Variants in ROR2 observed in about 807,000 individuals in gnomAD.
ROR2 encodes ROR family WNT receptor 2, also known as tyrosine-protein kinase transmembrane receptor ROR2.
A neutral mutation model predicts 74.9 loss-of-function variants in ROR2; 33 were observed. That is an observed-to-expected ratio of 0.44 (90% CI 0.33 to 0.59). The LOEUF is 0.59. Among genes scored for constraint, ROR2 ranks in the 20% least tolerant of loss-of-function variants. ROR2 has a pLI of 0.02. For synonymous variants in ROR2, 586 were observed against 558.7 expected (o/e 1.05, Z -0.69); for missense variants, 1,216 against 1,313.8 (o/e 0.93, Z 1.15).
intron 1 of ROR2, among the ~76,000 whole-genome samples, chr9:91,937,029 C>CAAAAAAAAAAAAAAAAAA (rs540672189): frequency 5.3e-4 from 35 of 65,634 alleles, no homozygotes; most frequent in South Asian, 6.7e-4. Flanking sequence ...GACTCCGTCT[C>CAAAAAAAAAAAAAAAAAA]AAAAAAAAAA....
At chr9:91,879,103 T>C (rs1411161320) in intron 1 of ROR2, among the ~76,000 whole-genome samples, 2 of 151,290 alleles carry the variant, frequency 1.3e-5, no homozygotes, top group Non-Finnish European at 2.9e-5. Context: ...CCAAACAACA[T>C]TGTTCCCAAA....
intron 1 of ROR2, among the ~76,000 whole-genome samples, chr9:91,804,531 G>A (rs1381620958): frequency 1.3e-5 from 2 of 152,232 alleles, no homozygotes; most frequent in Non-Finnish European, 2.9e-5. Context: ...CTCATCTCCT[G>A]AGGAGAGAGA....
At chr9:91,838,409 C>T (rs1281866257) in intron 1 of ROR2, among the ~76,000 whole-genome samples, 1 of 152,204 alleles carries the variant, frequency 6.6e-6, no homozygotes, top group Non-Finnish European at 1.5e-5. Flanking sequence ...CCCCTCCCCT[C>T]CTGGCACCTG....
intron 1 of ROR2, among the ~76,000 whole-genome samples, chr9:91,814,558 C>T (rs1827866431): frequency 6.6e-6 from 1 of 152,178 alleles, no homozygotes; most frequent in South Asian, 2.1e-4. Context: ...TAAGCGATAC[C>T]ATTAAAGCAG....
In ROR2 at chr9:91,737,417, T is replaced by G. The variant is rs765520144; in HGVS notation, c.596A>C (p.Gln199Pro). The change falls in exon 5 of 9, where the codon CAG (glutamine) becomes CCG (proline). Residue 199 changes from glutamine (Q) to proline (P), a missense_variant. Gln to Pro is a moderately conservative substitution (Grantham distance 76, BLOSUM62 -1). Coordinates refer to ENST00000375708, the MANE Select transcript of ROR2 (RefSeq NM_004560.4). ...RTIYVDSLQM[Q>P]GEIENRITAA... The stretch of plus-strand genomic sequence containing the variant: ...TGTGATTCGGTTTTCAATCTCCCCC[T>G]GCATCTGAAGCGAGTCCACATAAAT... The G allele has an allele frequency of 3.1e-6, 5 of 1,614,148 alleles. No individual in the cohort carries two copies. Among genetic ancestry groups the G allele is most frequent in the Non-Finnish European group, 3.4e-6 (4 of 1,180,034 alleles).
chr9:91,784,803 C>G (rs1826739818), intron 1 of ROR2, among the ~76,000 whole-genome samples: 2 of 152,218 alleles, frequency 1.3e-5, no homozygotes, highest in Non-Finnish European at 2.9e-5. Flanking sequence ...AAGTCCTAAC[C>G]TAACCACTCC....
At position 91,723,683 on chromosome 9, in the gene ROR2, G is replaced by C; in HGVS notation, c.2811C>G (p.Ala937=). Residue 937 remains alanine, a synonymous_variant, in exon 9 of 9, where the codon GCC becomes GCG. Transcript: ENST00000375708. ...GDCDTLQVDE[A]QVQLEA ...CCACTCAAGCTTCCAGCTGGACTTG[G>C]GCCTCGTCCACCTGCAGAGTGTCAC... 6.2e-7 allele frequency: 1 copy of C among 1,613,838 alleles called. No homozygotes were observed. Among genetic ancestry groups the C allele is most frequent in the Non-Finnish European group, 8.5e-7 (1 of 1,179,974 alleles).
intron 1 of ROR2, among the ~76,000 whole-genome samples, chr9:91,836,763 C>T (rs2119203378): frequency 6.6e-6 from 1 of 152,328 alleles, no homozygotes; most frequent in Admixed American, 6.5e-5. Context: ...CTTCTTGAAG[C>T]CTTGGTTTTT....
At chr9:91,885,466 GTGGAGGGGCT>G (rs1320380483) in intron 1 of ROR2, among the ~76,000 whole-genome samples, 3 of 152,204 alleles carry the variant, frequency 2.0e-5, no homozygotes, top group African/African-American at 7.2e-5. Flanking sequence ...CTTGCACAGA[GTGGAGGGGCT>G]TGGGATTCCC....
chr9:91,910,201 T>G (rs1473023392), intron 1 of ROR2, among the ~76,000 whole-genome samples: 1 of 152,108 alleles, frequency 6.6e-6, no homozygotes, highest in Non-Finnish European at 1.5e-5. Context: ...AAAAGAAACT[T>G]AAATGTCAGT....
chr9:91,760,777 T>C (rs1368898929), intron 2 of ROR2, among the ~76,000 whole-genome samples: 1 of 152,194 alleles, frequency 6.6e-6, no homozygotes, highest in Non-Finnish European at 1.5e-5. Context: ...ATAATTTGCA[T>C]AAAACTACCC....
intron 1 of ROR2, among the ~76,000 whole-genome samples, chr9:91,936,474 T>C (rs969155621): frequency 3.9e-5 from 6 of 152,206 alleles, no homozygotes; most frequent in African/African-American, 1.4e-4. Flanking sequence ...TCACATTGGA[T>C]TATAGCCCAC....
intron 1 of ROR2, among the ~76,000 whole-genome samples, chr9:91,900,181 G>C (rs532473708): frequency 4.6e-5 from 7 of 152,162 alleles, no homozygotes; most frequent in South Asian, 2.1e-4. Flanking sequence ...CCCCAGATAA[G>C]CTCAGGATGC....
At position 91,747,762 on chromosome 9, in the gene ROR2, T is replaced by C. The variant is rs147461627; in HGVS notation, c.494+8309A>G. Among the ~76,000 whole-genome samples the C allele has an allele frequency of 6.9e-3, 1,049 of 150,948 alleles. 17 individuals are homozygous for C. The highest frequency in any genetic ancestry group is 0.025 in the African/African-American group (1,012 of 41,048). On this transcript the variant is annotated intron_variant, in intron 4 of 8. Transcript: ENST00000375708. The stretch of plus-strand genomic sequence containing the variant: ...TCATCACGGTGGGGCGGGGGAGGAG[T>C]CAGTCTACTGAAACAGAATCAGGGT...
At chr9:91,897,918 CAG>C (rs1830576524) in intron 1 of ROR2, among the ~76,000 whole-genome samples, 2 of 152,244 alleles carry the variant, frequency 1.3e-5, no homozygotes, top group African/African-American at 2.4e-5. Flanking sequence ...GACATGTGGA[CAG>C]AGAGTGCAGT....
intron 1 of ROR2, among the ~76,000 whole-genome samples, chr9:91,795,971 G>T (rs1827152951): frequency 6.7e-6 from 1 of 149,164 alleles, no homozygotes; most frequent in South Asian, 2.1e-4. Flanking sequence ...TGACTTGGAA[G>T]ATGAGACCAT....
At chr9:91,785,393 G>A (rs1826764316) in intron 1 of ROR2, among the ~76,000 whole-genome samples, 1 of 152,200 alleles carries the variant, frequency 6.6e-6, no homozygotes, top group African/African-American at 2.4e-5. Flanking sequence ...CTTCCTTGCT[G>A]TATTTCTTTC....
At chr9:91,870,953 G>A (rs1829778201) in intron 1 of ROR2, among the ~76,000 whole-genome samples, 1 of 152,150 alleles carries the variant, frequency 6.6e-6, no homozygotes, top group African/African-American at 2.4e-5. Context: ...AAACATAAAC[G>A]CAAAGAACTG....
In ROR2 at chr9:91,723,533, G is replaced by T; in HGVS notation, c.*129C>A. ...GAGGAGCAGGGCTCCACCTCACCCA[G>T]TCTGCAAACAAGCCCACTGGCCGGC... On this transcript the variant is annotated 3_prime_UTR_variant, in exon 9 of 9. Transcript: ENST00000375708. 7.2e-7 allele frequency: 1 copy of T among 1,384,558 alleles called. No individual in the cohort carries two copies. The highest frequency in any genetic ancestry group is 9.8e-7 in the Non-Finnish European group (1 of 1,017,956). The allele number at this position is 1,384,558 out of a possible 1,614,324, so 85.8% of individuals were successfully genotyped here.
Sources: allele counts gnomAD v4.1 joint callset (sites outside exome capture counted in the v4.1 genomes callset), GRCh38; gene constraint gnomAD v4.1.1; transcripts MANE v1.5; gene names NCBI Gene and HGNC (gene_info 2026-07-23, HGNC 2026-07-21).